GALNT7: variants seen among roughly 807,000 people sequenced by gnomAD.
The protein encoded by GALNT7 is N-acetylgalactosaminyltransferase 7.
A neutral mutation model predicts 82.1 loss-of-function variants in GALNT7; 60 were observed. The ratio of observed to expected loss-of-function variants is 0.73; its 90% confidence interval spans 0.59 to 0.91. GALNT7 has a LOEUF of 0.91. Among genes scored for constraint, GALNT7 ranks in the 40% least tolerant of loss-of-function variants. The pLI, the probability that GALNT7 is intolerant of heterozygous loss-of-function variation, is 0.00. For synonymous variants in GALNT7, 243 were observed against 275.1 expected, an observed-to-expected ratio of 0.88 and a Z score of 1.15; for missense variants, 660 against 804.2, an observed-to-expected ratio of 0.82 and a Z score of 2.17.
At chr4:173,265,884 G>T (rs1164556108) in intron 2 of GALNT7, among the ~76,000 whole-genome samples, 4 of 151,942 alleles carry the variant, frequency 2.6e-5, no homozygotes, top group Non-Finnish European at 4.4e-5. Flanking sequence ...ATTGCACTTT[G>T]GGAGTCACAT....
At chr4:173,205,701 T>C (rs1579909635) in intron 1 of GALNT7, among the ~76,000 whole-genome samples, 1 of 149,912 alleles carries the variant, frequency 6.7e-6, no homozygotes, top group African/African-American at 2.4e-5. Flanking sequence ...GGCTGTGGTC[T>C]GAAGTCTGGG....
chr4:173,313,881 G>A lies in GALNT7; in HGVS notation c.1390-77G>A, dbSNP rs537054599. On this transcript the variant is annotated intron_variant, in intron 8 of 11. Transcript: ENST00000265000. ...TTTGTTATGTGTAGGCCATTTTCAT[G>A]TGTCTAATATAGGCTGTTTATGATA... 2.6e-4 allele frequency: 150 copies of A among 569,252 alleles called. No individual in the cohort carries two copies. In the South Asian group the frequency reaches 5.6e-3, roughly 21 times the overall value. The allele number at this position is 569,252 out of a possible 1,614,324, so 35.3% of individuals were successfully genotyped here. A position where few individuals can be genotyped will look rare whatever the true frequency, so the allele number is the denominator to read the frequency against.
At chr4:173,206,533 A>G (rs1266219714) in intron 1 of GALNT7, among the ~76,000 whole-genome samples, 1 of 152,238 alleles carries the variant, frequency 6.6e-6, no homozygotes, top group African/African-American at 2.4e-5. Flanking sequence ...TATCTTGCCA[A>G]TGACACAAAA....
At position 173,248,155 on chromosome 4, in the gene GALNT7, G is replaced by A. The variant is rs1734723655; in HGVS notation, c.302G>A (p.Gly101Glu). Residue 101 changes from glycine (G) to glutamate (E), a missense_variant, in exon 2 of 12, where the codon GGA (glycine) becomes GAA (glutamate). Gly to Glu is a moderately conservative substitution (Grantham distance 98). Around this residue, in one of 2 missense-constraint regions of GALNT7, gnomAD observed 527 missense variants for 683.5 expected, o/e 0.77. Transcript: ENST00000265000. ...AATGAACAAGAGCACCATGCTGGAG[G>A]AGATTCCCAGAAAGATATCATGCAG... is the stretch of plus-strand genomic sequence containing the variant. ...AKNEQEHHAG[G>E]DSQKDIMQRQ... The A allele has an allele frequency of 8.7e-6, 14 of 1,613,900 alleles. No individual in the cohort carries two copies. Among genetic ancestry groups the A allele is most frequent in the Non-Finnish European group, 1.2e-5 (14 of 1,179,874 alleles).
chr4:173,298,448 A>G (rs547695057), intron 6 of GALNT7, 151 bp downstream of exon 6: 54 of 580,098 alleles, frequency 9.3e-5, no homozygotes, highest in South Asian at 5.3e-4. Flanking sequence ...AGAGCTTTCA[A>G]TCTGCTCCAT....
chr4:173,266,832 TAG>T (rs1467361106), intron 2 of GALNT7, among the ~76,000 whole-genome samples: 1 of 139,296 alleles, frequency 7.2e-6, no homozygotes, highest in Non-Finnish European at 1.5e-5. Flanking sequence ...CTCATGGAGG[TAG>T]AGAGTATAAT....
At chr4:173,243,296 A>G (rs944179348) in intron 1 of GALNT7, among the ~76,000 whole-genome samples, 1 of 152,212 alleles carries the variant, frequency 6.6e-6, no homozygotes, top group African/African-American at 2.4e-5. Flanking sequence ...GTGGATGGTT[A>G]CTAGCCTGAC....
Position 173,248,435 on chromosome 4 carries a change from A to G in GALNT7, c.582A>G (p.Gln194=), listed in dbSNP as rs1734739220. ...ACCGCAGCGTCAATGACTTACGCCA[A>G]GAAGAGTAAGCACACATCCTCTTCT... ...SLDRSVNDLR[Q]EECKYWHYDE... is the part of the protein sequence containing the mutation. Residue 194 remains glutamine (Q), a synonymous_variant, in exon 2 of 12, where the codon CAA becomes CAG. Coordinates refer to ENST00000265000, the MANE Select transcript of GALNT7 (RefSeq NM_017423.3). 1 of 1,591,350 alleles carries G rather than the reference A, an allele frequency of 6.3e-7. No individual in the cohort carries two copies.
At chr4:173,169,073 G>A in intron 1 of GALNT7, 112 bp downstream of exon 1, 1 of 1,034,890 alleles carries the variant, frequency 9.7e-7, no homozygotes, top group East Asian at 2.7e-5. Flanking sequence ...GGGCACCGCA[G>A]CTCCGCAGGT....
intron 2 of GALNT7, among the ~76,000 whole-genome samples, chr4:173,268,391 G>T (rs1735585004): frequency 6.6e-6 from 1 of 151,926 alleles, no homozygotes; most frequent in African/African-American, 2.4e-5. Context: ...CAGCATCTTT[G>T]TGCTTAGGAT....
chr4:173,279,836 G>T (rs1226615946), intron 2 of GALNT7, among the ~76,000 whole-genome samples: 1 of 152,068 alleles, frequency 6.6e-6, no homozygotes, highest in Admixed American at 6.5e-5. Flanking sequence ...TTAGCCAGGT[G>T]TGGTGGCGCG....
intron 5 of GALNT7, among the ~76,000 whole-genome samples, chr4:173,297,519 G>T (rs915382054): frequency 9.2e-5 from 14 of 152,138 alleles, no homozygotes; most frequent in Non-Finnish European, 2.9e-5. Flanking sequence ...TTGCCTTTAG[G>T]ACCAAAGCGA....
intron 1 of GALNT7, among the ~76,000 whole-genome samples, chr4:173,246,304 G>A (rs1734631862): frequency 6.6e-6 from 1 of 152,014 alleles, no homozygotes; most frequent in African/African-American, 2.4e-5. Flanking sequence ...TTTGTCCTTT[G>A]GATTTATTTT....
intron 8 of GALNT7, among the ~76,000 whole-genome samples, chr4:173,311,863 T>A (rs1580013212): frequency 6.6e-6 from 1 of 152,204 alleles, no homozygotes; most frequent in African/African-American, 2.4e-5. Context: ...GTGACAACAA[T>A]GCATCTAGGG....
At chr4:173,312,390 C>T (rs1358840479) in intron 8 of GALNT7, among the ~76,000 whole-genome samples, 1 of 152,198 alleles carries the variant, frequency 6.6e-6, no homozygotes, top group Non-Finnish European at 1.5e-5. Flanking sequence ...AAGAGATCAT[C>T]ACATGGCGAG....
rs1462697219 is a variant in GALNT7, at chr4:173,180,384, A to G, written c.126+11423A>G. On this transcript the variant is annotated intron_variant, in intron 1 of 11. Coordinates refer to ENST00000265000, the MANE Select transcript of GALNT7 (RefSeq NM_017423.3). Reference sequence around the variant, plus strand: ...CTGTTGTCATGCAGGCCGGAGTGCAATGGCACAATCTCGACTCACTGCAAC... The same window carrying G: ...CTGTTGTCATGCAGGCCGGAGTGCAGTGGCACAATCTCGACTCACTGCAAC... Among the ~76,000 whole-genome samples the G allele has an allele frequency of 2.0e-5, 3 of 147,470 alleles. No individual in the cohort carries two copies. The East Asian group carries it at 5.9e-4, about 29-fold the overall frequency.
intron 1 of GALNT7, among the ~76,000 whole-genome samples, chr4:173,207,912 T>C (rs1733150787): frequency 6.6e-6 from 1 of 152,204 alleles, no homozygotes; most frequent in Admixed American, 6.5e-5. Flanking sequence ...AAAACGAATC[T>C]CATTTTTTTA....
At chr4:173,239,370 A>G (rs1313543006) in intron 1 of GALNT7, among the ~76,000 whole-genome samples, 2 of 152,224 alleles carry the variant, frequency 1.3e-5, no homozygotes, top group Admixed American at 6.5e-5. Context: ...TCATCCATGA[A>G]CAAACATGCA....
intron 1 of GALNT7, among the ~76,000 whole-genome samples, chr4:173,183,782 T>A (rs1479455365): frequency 6.8e-6 from 1 of 146,414 alleles, no homozygotes; most frequent in East Asian, 2.1e-4. Context: ...TGGCAGGGAC[T>A]GCCCCCCACC....
Sources: gnomAD v4.1 joint callset for allele counts (sites outside exome capture counted in the v4.1 genomes callset) on GRCh38, gnomAD v4.1.1 for gene constraint, gnomAD v4.1.1 regional missense constraint, MANE v1.5 for transcripts, NCBI Gene and HGNC (gene_info 2026-07-23, HGNC 2026-07-21) for gene names.